Variants in VWA8 observed in about 807,000 individuals in gnomAD.
VWA8 encodes von Willebrand factor A domain-containing protein 8.
VWA8 carries 221 observed loss-of-function variants against 241.5 expected under a neutral mutation model. That is an observed-to-expected ratio of 0.91 (90% confidence interval 0.82 to 1.02). The LOEUF is 1.02. Ranked by LOEUF, VWA8 falls within the 50% of genes least tolerant of loss-of-function variation. The pLI, the probability that VWA8 is intolerant of heterozygous loss-of-function variation, is 0.00. For synonymous variants in VWA8, 852 were observed against 827.1 expected, an observed-to-expected ratio of 1.03 and a Z score of -0.52; for missense variants, 2,322 against 2,328.7, an observed-to-expected ratio of 1.00 and a Z score of 0.06.
intron 18 of VWA8, among the ~76,000 whole-genome samples, chr13:41,786,631 G>A (rs1869203448): frequency 6.6e-6 from 1 of 152,010 alleles, no homozygotes; most frequent in African/African-American, 2.4e-5. Flanking sequence ...CTGCGTATCT[G>A]TATTCAGATC....
chr13:41,829,486 C>A (rs1183835330), intron 14 of VWA8, among the ~76,000 whole-genome samples: 5 of 150,748 alleles, frequency 3.3e-5, no homozygotes, highest in Admixed American at 6.6e-5. Context: ...GATATGGAAC[C>A]AACCTAAGTG....
chr13:41,736,832 AT>A (rs1407198871), intron 21 of VWA8, among the ~76,000 whole-genome samples: 1 of 141,066 alleles, frequency 7.1e-6, no homozygotes, highest in African/African-American at 2.6e-5. Context: ...TTTGCTCGAT[AT>A]TTTTTCTTTT....
At chr13:41,784,705 T>TACATATACATATACATATAC (rs773975684) in intron 18 of VWA8, among the ~76,000 whole-genome samples, 8,214 of 78,800 alleles carry the variant, frequency 0.1, 644 homozygotes, top group East Asian at 0.17. Context: ...TACATATATA[T>TACATATACATATACATATAC]ATATATATAT....
chr13:41,711,478 A>G (rs2137837774), intron 26 of VWA8, among the ~76,000 whole-genome samples: 1 of 152,346 alleles, frequency 6.6e-6, no homozygotes, highest in Non-Finnish European at 1.5e-5. Context: ...AGCAACTTAC[A>G]GGTACACAGG....
At chr13:41,781,814 C>T (rs1868899728) in intron 19 of VWA8, among the ~76,000 whole-genome samples, 1 of 152,178 alleles carries the variant, frequency 6.6e-6, no homozygotes, top group East Asian at 1.9e-4. Flanking sequence ...TTACTATGTG[C>T]CAGGCACTTT....
At chr13:41,853,926 A>G (rs906308456) in intron 12 of VWA8, among the ~76,000 whole-genome samples, 2 of 152,214 alleles carry the variant, frequency 1.3e-5, no homozygotes, top group Admixed American at 6.5e-5. Context: ...AGGAGCTTAC[A>G]AACGATAGGA....
chr13:41,816,113 AG>A (rs1241907476), intron 16 of VWA8, among the ~76,000 whole-genome samples: 1 of 152,168 alleles, frequency 6.6e-6, no homozygotes, highest in Non-Finnish European at 1.5e-5. Flanking sequence ...CGGTGTATCC[AG>A]GGGGAAAGTG....
At chr13:41,745,422 C>T (rs1566438960) in intron 21 of VWA8, among the ~76,000 whole-genome samples, 1 of 151,932 alleles carries the variant, frequency 6.6e-6, no homozygotes, top group Non-Finnish European at 1.5e-5. Flanking sequence ...ACATTGCTCA[C>T]GTACAGAATG....
chr13:41,657,261 G>A (rs1319648332), intron 37 of VWA8, among the ~76,000 whole-genome samples: 1 of 152,064 alleles, frequency 6.6e-6, no homozygotes, highest in East Asian at 1.9e-4. Context: ...GCCAAGAGGA[G>A]AGAGGCTGGG....
chr13:41,752,341 A>G (rs145252593), intron 21 of VWA8, among the ~76,000 whole-genome samples: 8 of 152,202 alleles, frequency 5.3e-5, no homozygotes, highest in African/African-American at 1.9e-4. Flanking sequence ...CTGAGAGTTC[A>G]GTGTCCCTCC....
chr13:41,869,154 G>T (rs1216536129), intron 9 of VWA8, among the ~76,000 whole-genome samples: 1 of 152,084 alleles, frequency 6.6e-6, no homozygotes, highest in East Asian at 1.9e-4. Context: ...GCCCATATTG[G>T]TTTATTCTTT....
intron 12 of VWA8, among the ~76,000 whole-genome samples, chr13:41,861,984 G>A (rs1329138317): frequency 2.0e-5 from 3 of 152,022 alleles, no homozygotes; most frequent in South Asian, 2.1e-4. Flanking sequence ...AGCCTGAATC[G>A]CCAATGTAAT....
intron 21 of VWA8, among the ~76,000 whole-genome samples, chr13:41,742,125 T>G (rs571714815): frequency 6.6e-6 from 1 of 152,154 alleles, no homozygotes; most frequent in Admixed American, 6.6e-5. Flanking sequence ...AAGTCCAGAG[T>G]GTACAGTCCT....
chr13:41,885,098 C>T (rs1874458984), intron 8 of VWA8, among the ~76,000 whole-genome samples: 2 of 152,156 alleles, frequency 1.3e-5, no homozygotes, highest in South Asian at 4.1e-4. Flanking sequence ...TCATAGCCCA[C>T]CAACTTAATA....
At chr13:41,751,324 A>G (rs1174921279) in intron 21 of VWA8, among the ~76,000 whole-genome samples, 1 of 152,182 alleles carries the variant, frequency 6.6e-6, no homozygotes, top group Non-Finnish European at 1.5e-5. Context: ...GCTAATAAAA[A>G]TGTTTCCAAA....
chr13:41,709,772 T>TC (rs1491502329), intron 26 of VWA8, among the ~76,000 whole-genome samples: 4 of 130,658 alleles, frequency 3.1e-5, no homozygotes, highest in Non-Finnish European at 4.7e-5. Flanking sequence ...TCTCTCTCTC[T>TC]TTTTTTTTTT....
chr13:41,930,881 T>C (rs929462822), intron 2 of VWA8, among the ~76,000 whole-genome samples: 4 of 152,140 alleles, frequency 2.6e-5, no homozygotes, highest in African/African-American at 4.8e-5. Flanking sequence ...CCAGGCACGG[T>C]GGCTCACGCC....
intron 17 of VWA8, among the ~76,000 whole-genome samples, chr13:41,803,500 A>AG (rs756176437): frequency 2.6e-5 from 4 of 152,220 alleles, no homozygotes; most frequent in East Asian, 3.9e-4. Context: ...AGAAAGTGAA[A>AG]GCACGTCTCA....
At chr13:41,650,654 A>T (rs916834459) in intron 37 of VWA8, among the ~76,000 whole-genome samples, 2 of 152,242 alleles carry the variant, frequency 1.3e-5, no homozygotes, top group African/African-American at 4.8e-5. Flanking sequence ...TTGAAATCTG[A>T]CCAGGTGTCA....
Sources: gnomAD v4.1 joint callset for allele counts (sites outside exome capture counted in the v4.1 genomes callset) on GRCh38, gnomAD v4.1.1 for gene constraint, MANE v1.5 for transcripts, NCBI Gene and HGNC (gene_info 2026-07-23, HGNC 2026-07-21) for gene names.